CNTNAP4: variants seen among roughly 807,000 people sequenced by gnomAD.
CNTNAP4 encodes contactin associated protein family member 4.
A neutral mutation model predicts 148.4 loss-of-function variants in CNTNAP4; 98 were observed. The observed-to-expected ratio is 0.66, with a 90% confidence interval of 0.56 to 0.78. CNTNAP4 has a LOEUF of 0.78. CNTNAP4 is among the 30% of genes least tolerant of loss of function. The pLI is 0.00. For missense variants in CNTNAP4, 1,935 were observed against 1,565.6 expected (o/e 1.24, Z -3.98); for synonymous variants, 730 against 565.1 (o/e 1.29, Z -4.14).
chr16:76,301,389 T>C (rs34824516), intron 1 of CNTNAP4, among the ~76,000 whole-genome samples: 6,196 of 152,264 alleles, frequency 0.041, 237 homozygotes, highest in East Asian at 0.16. Flanking sequence ...AAGTGGTTCA[T>C]GGTGGGATAT....
At chr16:76,422,629 T>C (rs1229125840) in intron 3 of CNTNAP4, among the ~76,000 whole-genome samples, 1 of 149,996 alleles carries the variant, frequency 6.7e-6, no homozygotes, top group African/African-American at 2.5e-5. Context: ...AATTATGGGC[T>C]TTGGAGTCAG....
At chr16:76,431,567 T>A (rs1260465503) in intron 4 of CNTNAP4, among the ~76,000 whole-genome samples, 1 of 152,094 alleles carries the variant, frequency 6.6e-6, no homozygotes. Flanking sequence ...TAATCCTAGC[T>A]ACTTGGGAGG....
At chr16:76,286,814 A>G (rs2143789964) in intron 1 of CNTNAP4, among the ~76,000 whole-genome samples, 1 of 152,324 alleles carries the variant, frequency 6.6e-6, no homozygotes, top group East Asian at 1.9e-4. Context: ...AGTGATCCTC[A>G]TAATTAAGGA....
intron 21 of CNTNAP4, among the ~76,000 whole-genome samples, chr16:76,542,245 G>A (rs908729272): frequency 3.3e-5 from 5 of 152,108 alleles, no homozygotes; most frequent in African/African-American, 1.2e-4. Context: ...GCTATTTCAG[G>A]CCACTGTGGA....
At chr16:76,415,927 TTTG>T (rs1290398082) in intron 3 of CNTNAP4, among the ~76,000 whole-genome samples, 7 of 54,132 alleles carry the variant, frequency 1.3e-4, no homozygotes, top group African/African-American at 2.7e-4. Flanking sequence ...AGATATACTG[TTTG>T]TTTTTTTTTT....
intron 14 of CNTNAP4, among the ~76,000 whole-genome samples, chr16:76,496,093 G>GTGTGTGTGTA: frequency 6.7e-6 from 1 of 149,412 alleles, no homozygotes; most frequent in East Asian, 2.0e-4. Flanking sequence ...TGTTGTGTGT[G>GTGTGTGTGTA]TGTGTGTGTG....
chr16:76,427,438 C>T lies in CNTNAP4; in HGVS notation c.391-14C>T, dbSNP rs182012279. ...TCCAGATACATTGATGTGCTTCTTTCCCTTTTCTTTTAGGGTTTTTCAGGA... is the reference window on the plus strand; with the variant it reads ...TCCAGATACATTGATGTGCTTCTTTTCCTTTTCTTTTAGGGTTTTTCAGGA... On this transcript the variant is annotated splice_polypyrimidine_tract_variant and intron_variant, in intron 3 of 23. Coordinates refer to ENST00000611870, the MANE Select transcript of CNTNAP4 (RefSeq NM_033401.5). 7.4e-5 allele frequency: 119 copies of T among 1,597,842 alleles called. No individual in the cohort carries two copies. In the Admixed American group the frequency reaches 1.1e-3, roughly 15 times the overall value.
Position 76,558,759 on chromosome 16 carries a change from C to G in CNTNAP4, c.*76C>G. The G allele has an allele frequency of 9.1e-7, 1 of 1,100,118 alleles. No individual in the cohort carries two copies. The highest frequency in any genetic ancestry group is 2.5e-5 in the Admixed American group (1 of 40,270). 68.1% of individuals were successfully genotyped at this position (1,100,118 alleles called of 1,614,324 possible). ...GGGGTTCTCAATGGAAAAACGAATGCTCTTACACTGAATGTACAGGCAGTG... is the reference window on the plus strand; with the variant it reads ...GGGGTTCTCAATGGAAAAACGAATGGTCTTACACTGAATGTACAGGCAGTG... On this transcript the variant is annotated 3_prime_UTR_variant, in exon 24 of 24. Transcript: ENST00000611870.
chr16:76,321,217 G>C (rs1249766656), intron 2 of CNTNAP4, among the ~76,000 whole-genome samples: 3 of 152,178 alleles, frequency 2.0e-5, no homozygotes, highest in Admixed American at 1.3e-4. Context: ...CTTATCTGTA[G>C]AGGAATTAGC....
At chr16:76,529,045 T>A (rs1247412373) in intron 17 of CNTNAP4, among the ~76,000 whole-genome samples, 1 of 152,206 alleles carries the variant, frequency 6.6e-6, no homozygotes, top group East Asian at 1.9e-4. Context: ...AACATCAGCG[T>A]AATGTGATAG....
At chr16:76,472,042 G>C (rs1387903756) in intron 10 of CNTNAP4, among the ~76,000 whole-genome samples, 1 of 149,768 alleles carries the variant, frequency 6.7e-6, no homozygotes, top group Non-Finnish European at 1.5e-5. Flanking sequence ...CTTTAGGTTT[G>C]GGTATGTTGA....
rs575416559 is a variant in CNTNAP4 at position 76,300,272 on chromosome 16, C to T, written c.86-16141C>T. On this transcript the variant is annotated intron_variant, in intron 1 of 23. Transcript: ENST00000611870. ...TGTTGCTTATAAGCAGATATCTTGC[C>T]TATCCCACATCATGTCCACATAGCA... Among the ~76,000 whole-genome samples the T allele has an allele frequency of 2.0e-5, 3 of 152,228 alleles. No individual in the cohort carries two copies. In the South Asian group the frequency reaches 6.2e-4, roughly 32 times the overall value.
chr16:76,305,126 C>A lies in CNTNAP4; in HGVS notation c.86-11287C>A, dbSNP rs777109999. 1.9e-4 allele frequency among the ~76,000 whole-genome samples: 29 copies of A among 152,222 alleles called. 1 individual carries two copies. The highest frequency in any genetic ancestry group is 2.6e-4 in the Admixed American group (4 of 15,288). On this transcript the variant is annotated intron_variant, in intron 1 of 23. Transcript: ENST00000611870. ...ATTGCTGGGATATATGTAAATTGCACGTTTAGTTTTACAAGAAATTGCTAA... is the reference window on the plus strand; with the variant it reads ...ATTGCTGGGATATATGTAAATTGCAAGTTTAGTTTTACAAGAAATTGCTAA...
chr16:76,286,390 G>A (rs1319617410), intron 1 of CNTNAP4, among the ~76,000 whole-genome samples: 1 of 152,082 alleles, frequency 6.6e-6, no homozygotes, highest in African/African-American at 2.4e-5. Flanking sequence ...AAACCAGTAT[G>A]TGGGATTAAA....
At chr16:76,331,870 C>G (rs1336436165) in intron 2 of CNTNAP4, among the ~76,000 whole-genome samples, 1 of 152,178 alleles carries the variant, frequency 6.6e-6, no homozygotes, top group Non-Finnish European at 1.5e-5. Context: ...GTCCAAAGGA[C>G]TCCCTTTGAC....
At chr16:76,475,018 G>T (rs2081514990) in intron 10 of CNTNAP4, among the ~76,000 whole-genome samples, 1 of 152,136 alleles carries the variant, frequency 6.6e-6, no homozygotes, top group Admixed American at 6.5e-5. Flanking sequence ...TCCAGAGCCA[G>T]GCGTGGTGGC....
intron 10 of CNTNAP4, among the ~76,000 whole-genome samples, chr16:76,471,426 G>A (rs2081369505): frequency 1.3e-5 from 2 of 152,154 alleles, no homozygotes; most frequent in African/African-American, 4.8e-5. Context: ...GGAACTAAGA[G>A]GCTGTTGAGT....
intron 2 of CNTNAP4, among the ~76,000 whole-genome samples, chr16:76,324,601 T>A (rs1378595107): frequency 6.6e-6 from 1 of 152,202 alleles, no homozygotes; most frequent in Non-Finnish European, 1.5e-5. Context: ...GACTTTGCCT[T>A]ACCTCAAGGT....
chr16:76,373,316 G>A lies in CNTNAP4; in HGVS notation c.390+17805G>A, dbSNP rs1032355541. Among the ~76,000 whole-genome samples the A allele has an allele frequency of 1.3e-5, 2 of 151,456 alleles. 1 individual carries two copies. The highest frequency in any genetic ancestry group is 1.3e-4 in the Admixed American group (2 of 15,200). On this transcript the variant is annotated intron_variant, in intron 3 of 23. Transcript: ENST00000611870. ...TGTGAAATATATTCCACATAAATATGTGGAGTATATTTCACAAAAATATGT... is the reference window on the plus strand; with the variant it reads ...TGTGAAATATATTCCACATAAATATATGGAGTATATTTCACAAAAATATGT...
Sources: gnomAD v4.1 joint callset for allele counts (sites outside exome capture counted in the v4.1 genomes callset) on GRCh38, gnomAD v4.1.1 for gene constraint, MANE v1.5 for transcripts, NCBI Gene and HGNC (gene_info 2026-07-23, HGNC 2026-07-21) for gene names.